Variants in EMC3 observed in about 807,000 individuals in gnomAD.
EMC3 encodes 30 kDa protein.
A neutral mutation model predicts 36.6 loss-of-function variants in EMC3; 13 were observed. The observed-to-expected ratio is 0.35, with a 90% CI of 0.23 to 0.56. EMC3 has a LOEUF of 0.56. EMC3 is among the 20% of genes least tolerant of loss of function. The pLI, the probability that EMC3 is intolerant of heterozygous loss-of-function variation, is 0.84. For synonymous variants in EMC3, 120 were observed against 111.9 expected, an observed-to-expected ratio of 1.07 and a Z score of -0.46; for missense variants, 220 against 324.5, an observed-to-expected ratio of 0.68 and a Z score of 2.47.
intron 5 of EMC3, among the ~76,000 whole-genome samples, chr3:9,973,087 AG>A (rs768371438): frequency 6.6e-6 from 1 of 151,430 alleles, no homozygotes; most frequent in Non-Finnish European, 1.5e-5. Flanking sequence ...GGCCTCCCAA[AG>A]TGCAGGATTA....
intron 3 of EMC3, among the ~76,000 whole-genome samples, chr3:9,975,704 C>G (rs1421658676): frequency 6.6e-6 from 1 of 151,024 alleles, no homozygotes; most frequent in Non-Finnish European, 1.5e-5. Context: ...CTCAGCTACT[C>G]TGGAGGCTGA....
At chr3:9,993,157 C>G in intron 1 of EMC3, 1 of 629,972 alleles carries the variant, frequency 1.6e-6, no homozygotes, top group South Asian at 1.9e-5. Flanking sequence ...TTGTCTATCT[C>G]AATGCAGTTT....
chr3:9,992,220 G>A (rs1463988651), intron 1 of EMC3, among the ~76,000 whole-genome samples: 3 of 151,990 alleles, frequency 2.0e-5, no homozygotes, highest in South Asian at 2.1e-4. Context: ...TCCCGGGTTC[G>A]AGTCGTTGAC....
chr3:9,986,849 G>A, upstream of EMC3: 1 of 1,382,068 alleles, frequency 7.2e-7, no homozygotes, highest in Non-Finnish European at 9.4e-7. Context: ...CTTCCGGCGC[G>A]AACGTTGACG....
chr3:9,964,195 T>G lies in EMC3; in HGVS notation c.660A>C (p.Thr220=), dbSNP rs1234742784. ...MPADTNKAFK[T]EWEALELTDH... is the part of the protein sequence containing the mutation. Reference sequence around the variant, plus strand: ...CCGTCAGCTCCAAAGCTTCCCACTCTGTCTGTAATGGAAGAGAACACCCAG... The same window carrying G: ...CCGTCAGCTCCAAAGCTTCCCACTCGGTCTGTAATGGAAGAGAACACCCAG... Residue 220 remains threonine (T), a splice_region_variant and synonymous_variant, in exon 8 of 8, where the codon ACA becomes ACC. Coordinates refer to ENST00000245046, the MANE Select transcript of EMC3 (RefSeq NM_001394674.1). The G allele has an allele frequency of 6.2e-7, 1 of 1,614,038 alleles. No homozygotes were observed. Among genetic ancestry groups the G allele is most frequent in the Non-Finnish European group, 8.5e-7 (1 of 1,179,986 alleles).
rs939821602 is a variant in EMC3 at position 9,963,233 on chromosome 3, A to G, written c.*836T>C. On this transcript the variant is annotated 3_prime_UTR_variant, in exon 8 of 8. Coordinates refer to ENST00000245046, the MANE Select transcript of EMC3 (RefSeq NM_001394674.1). ...CTATGTAGGCTCAAAATGAACAGGG[A>G]GATTCATTTTGTTCATCCATAGTTT... The G allele has an allele frequency of 1.6e-4, 24 of 152,096 alleles. No homozygotes were observed. Among genetic ancestry groups the G allele is most frequent in the African/African-American group, 5.8e-4 (24 of 41,418 alleles). The allele number at this position is 152,096 out of a possible 1,614,324, so 9.4% of individuals were successfully genotyped here. A position where few individuals can be genotyped will look rare whatever the true frequency, so the allele number is the denominator to read the frequency against.
At chr3:9,996,780 T>C (rs2086131725) in intron 1 of EMC3, among the ~76,000 whole-genome samples, 1 of 152,210 alleles carries the variant, frequency 6.6e-6, no homozygotes, top group Non-Finnish European at 1.5e-5. Flanking sequence ...TATAACCTTC[T>C]GAGATGTTCT....
intron 1 of EMC3, chr3:10,007,615 G>T: frequency 7.3e-7 from 1 of 1,367,188 alleles, no homozygotes; most frequent in Non-Finnish European, 9.8e-7. Context: ...GCAAGACACA[G>T]CAGCAGCCCT....
intron 1 of EMC3, chr3:10,007,309 C>G: frequency 7.7e-7 from 1 of 1,292,424 alleles, no homozygotes; most frequent in Non-Finnish European, 1.0e-6. Flanking sequence ...TCAGAAGGAC[C>G]AGCAGCCCCT....
intron 1 of EMC3, among the ~76,000 whole-genome samples, chr3:9,985,441 C>G (rs2085960513): frequency 6.6e-6 from 1 of 152,150 alleles, no homozygotes; most frequent in South Asian, 2.1e-4. Flanking sequence ...GCTTGTTTTT[C>G]TAAGAGACAA....
intron 1 of EMC3, chr3:10,002,803 G>C (rs199942091): frequency 2.2e-6 from 1 of 454,822 alleles, no homozygotes; most frequent in Admixed American, 2.4e-5. Flanking sequence ...GCATGACCCT[G>C]TGTCTTCCCC....
upstream of EMC3, chr3:9,987,429 G>C (rs756421937): frequency 2.6e-6 from 1 of 383,876 alleles, no homozygotes; most frequent in Non-Finnish European, 3.6e-6. Context: ...GTACCTTTCT[G>C]CGTCGTTAAA....
intron 5 of EMC3, among the ~76,000 whole-genome samples, chr3:9,971,548 A>C (rs1277034291): frequency 6.6e-6 from 1 of 152,158 alleles, no homozygotes; most frequent in East Asian, 1.9e-4. Flanking sequence ...ATCTCACCAC[A>C]GTGGTAATTG....
intron 1 of EMC3, among the ~76,000 whole-genome samples, chr3:9,983,737 A>T (rs1354957623): frequency 6.6e-6 from 1 of 152,184 alleles, no homozygotes; most frequent in African/African-American, 2.4e-5. Flanking sequence ...GTTACAAAAG[A>T]GAGCTTTGGA....
intron 7 of EMC3, 80 bp downstream of exon 7, chr3:9,969,639 T>C (rs1371856822): frequency 5.0e-6 from 8 of 1,605,344 alleles, no homozygotes; most frequent in Non-Finnish European, 6.8e-6. Flanking sequence ...AACACTCCCT[T>C]CAAGGAAGCT....
rs541804129 is a variant in EMC3 at position 9,963,342 on chromosome 3, T to C, written c.*727A>G. The C allele has an allele frequency of 2.6e-5, 4 of 151,800 alleles. No homozygotes were observed. The highest frequency in any genetic ancestry group is 2.1e-4 in the South Asian group (1 of 4,810). 9.4% of individuals were successfully genotyped at this position (151,800 alleles called of 1,614,324 possible). On this transcript the variant is annotated 3_prime_UTR_variant, in exon 8 of 8. Transcript: ENST00000245046. ...AAACTAATGGTAAAACACAGGGTGT[T>C]TGGATCCCAAGAAAACAGGAGTTTA...
At chr3:10,010,155 G>C (rs546828223) in intron 1 of EMC3, 1 of 152,842 alleles carries the variant, frequency 6.5e-6, no homozygotes, top group South Asian at 2.1e-4. Flanking sequence ...ACTTTCGGCC[G>C]GGCGCGGTGG....
chr3:9,984,432 C>T (rs2124918012), intron 1 of EMC3, among the ~76,000 whole-genome samples: 1 of 151,284 alleles, frequency 6.6e-6, no homozygotes, highest in Middle Eastern at 3.5e-3. Context: ...CTCTGTCACC[C>T]AGGTTGAAGT....
At chr3:9,994,211 C>A in intron 1 of EMC3, 1 of 1,584,424 alleles carries the variant, frequency 6.3e-7, no homozygotes, top group Admixed American at 1.7e-5. Context: ...TGTGTTCATC[C>A]ATTATGTCGC....
Sources: gnomAD v4.1 joint callset for allele counts (sites outside exome capture counted in the v4.1 genomes callset) on GRCh38, gnomAD v4.1.1 for gene constraint, MANE v1.5 for transcripts, NCBI Gene and HGNC (gene_info 2026-07-23, HGNC 2026-07-21) for gene names.